The following AKAP19 variants were observed in gnomAD, a reference collection of about 807,000 sequenced individuals.
AKAP19 encodes small A-kinase anchoring protein.
the AKAP19 span, among the ~76,000 whole-genome samples, chr2:190,059,521 A>G: frequency 6.6e-6 from 1 of 151,982 alleles, no homozygotes; most frequent in Non-Finnish European, 1.5e-5. Flanking sequence ...AATAATGAAC[A>G]TATTTATCTT....
At chr2:190,004,055 G>T in the AKAP19 span, among the ~76,000 whole-genome samples, 7 of 150,162 alleles carry the variant, frequency 4.7e-5, no homozygotes, top group Non-Finnish European at 1.0e-4. Flanking sequence ...TCATTTTGGG[G>T]GAGCCTGGAT....
chr2:190,131,394 T>G, the AKAP19 span, among the ~76,000 whole-genome samples: 2 of 152,184 alleles, frequency 1.3e-5, no homozygotes, highest in African/African-American at 4.8e-5. Flanking sequence ...CTATGGGGTT[T>G]GGGGAGTTGC....
At chr2:190,073,052 AC>A in the AKAP19 span, among the ~76,000 whole-genome samples, 1 of 152,178 alleles carries the variant, frequency 6.6e-6, no homozygotes, top group East Asian at 1.9e-4. Flanking sequence ...TAAATTTATA[AC>A]TTTTTTAAAG....
At chr2:190,118,139 C>A in the AKAP19 span, among the ~76,000 whole-genome samples, 1 of 152,298 alleles carries the variant, frequency 6.6e-6, no homozygotes, top group East Asian at 1.9e-4. Flanking sequence ...AATTCCTGGA[C>A]ACATACACCC....
the AKAP19 span, among the ~76,000 whole-genome samples, chr2:190,083,064 G>A: frequency 1.3e-5 from 2 of 151,980 alleles, no homozygotes; most frequent in African/African-American, 4.8e-5. Flanking sequence ...TTTATTTTTT[G>A]TGCATGGTGA....
the AKAP19 span, among the ~76,000 whole-genome samples, chr2:189,925,903 T>C: frequency 6.6e-6 from 1 of 152,198 alleles, no homozygotes; most frequent in Non-Finnish European, 1.5e-5. Context: ...TCAAATGTTA[T>C]CAAGAGATTA....
At chr2:190,093,041 C>T in the AKAP19 span, among the ~76,000 whole-genome samples, 14 of 152,060 alleles carry the variant, frequency 9.2e-5, no homozygotes, top group Non-Finnish European at 2.1e-4. Context: ...CTGGACCACA[C>T]GTCTGAAGAA....
the AKAP19 span, among the ~76,000 whole-genome samples, chr2:190,187,179 T>C: frequency 6.6e-6 from 1 of 150,510 alleles, no homozygotes; most frequent in Non-Finnish European, 1.5e-5. Context: ...CATAAAACTT[T>C]TTCAAAGACC....
the AKAP19 span, chr2:189,923,998 A>G: frequency 6.3e-7 from 1 of 1,594,582 alleles, no homozygotes; most frequent in African/African-American, 1.3e-5. Flanking sequence ...TTAAGTCAGA[A>G]GAGGAGCAGA....
chr2:189,908,769 C>G, the AKAP19 span, among the ~76,000 whole-genome samples: 25 of 151,990 alleles, frequency 1.6e-4, no homozygotes, highest in Admixed American at 5.9e-4. Context: ...TTTGTTGTGG[C>G]CTAACATATG....
the AKAP19 span, among the ~76,000 whole-genome samples, chr2:190,177,624 G>T: frequency 3.3e-5 from 5 of 152,218 alleles, no homozygotes; most frequent in African/African-American, 1.2e-4. This position sits in a 1 kb window ranked among gnomAD's most constrained non-coding sequence, Gnocchi z 4.6. Context: ...GGCAAAAATG[G>T]AAGTTAAAGG....
At chr2:190,036,217 C>T in the AKAP19 span, among the ~76,000 whole-genome samples, 1 of 152,194 alleles carries the variant, frequency 6.6e-6, no homozygotes, top group Non-Finnish European at 1.5e-5. Flanking sequence ...TTACTGCTGG[C>T]AAGATCCTGG....
the AKAP19 span, among the ~76,000 whole-genome samples, chr2:190,134,669 T>A: frequency 9.9e-6 from 1 of 100,832 alleles, no homozygotes; most frequent in East Asian, 2.4e-4. Flanking sequence ...TATTCCCAGA[T>A]CTCCAATGGT....
At chr2:190,186,673 T>C in the AKAP19 span, among the ~76,000 whole-genome samples, 2 of 152,142 alleles carry the variant, frequency 1.3e-5, no homozygotes, top group African/African-American at 2.4e-5. This position sits in a 1 kb window ranked among gnomAD's most constrained non-coding sequence, Gnocchi z 5.5. Flanking sequence ...TGTTGTGAAT[T>C]TATAGTCCAA....
the AKAP19 span, among the ~76,000 whole-genome samples, chr2:190,077,677 T>C: frequency 1.3e-5 from 2 of 152,204 alleles, no homozygotes; most frequent in African/African-American, 4.8e-5. Flanking sequence ...TAGTAATTTT[T>C]TATTGAGTGC....
At chr2:190,179,360 T>C in the AKAP19 span, among the ~76,000 whole-genome samples, 2 of 151,678 alleles carry the variant, frequency 1.3e-5, no homozygotes, top group Non-Finnish European at 2.9e-5. This position sits in a 1 kb window ranked among gnomAD's most constrained non-coding sequence, Gnocchi z 6.0. Flanking sequence ...TGAGCCAAGA[T>C]TGCGCCATTG....
the AKAP19 span, among the ~76,000 whole-genome samples, chr2:190,132,268 A>G: frequency 6.6e-6 from 1 of 152,168 alleles, no homozygotes; most frequent in East Asian, 1.9e-4. Context: ...TCCAATGACA[A>G]TTTTCACAGA....
the AKAP19 span, among the ~76,000 whole-genome samples, chr2:190,055,543 C>A: frequency 8.5e-5 from 13 of 152,130 alleles, no homozygotes; most frequent in Non-Finnish European, 1.0e-4. Flanking sequence ...ATGTGTAAAG[C>A]AACTTGACCA....
chr2:189,945,228 G>T, the AKAP19 span, among the ~76,000 whole-genome samples: 2 of 152,068 alleles, frequency 1.3e-5, no homozygotes, highest in Non-Finnish European at 2.9e-5. Flanking sequence ...TAGAAAGAAA[G>T]AAATAATAGA....
Sources: allele counts gnomAD v4.1 joint callset (sites outside exome capture counted in the v4.1 genomes callset), GRCh38; gene constraint gnomAD v4.1.1; non-coding constraint Gnocchi (gnomAD v3.1); transcripts MANE v1.5; gene names NCBI Gene and HGNC (gene_info 2026-07-23, HGNC 2026-07-21).